Variants in NDST3 observed in about 807,000 individuals in gnomAD.
The protein encoded by NDST3 is N-deacetylase and N-sulfotransferase 3, also known as bifunctional heparan sulfate N-deacetylase/N-sulfotransferase 3.
A neutral mutation model predicts 96.1 loss-of-function variants in NDST3; 58 were observed. The observed-to-expected ratio is 0.60, with a 90% CI of 0.49 to 0.75. The LOEUF is 0.75. Among genes scored for constraint, NDST3 ranks in the 30% least tolerant of loss-of-function variants. The probability of loss-of-function intolerance (pLI) is 0.00; values close to 1 mark genes in which losing one functional copy is unlikely to be tolerated. For missense variants in NDST3, 788 were observed against 1,034.2 expected (o/e 0.76, Z 3.27); for synonymous variants, 333 against 359.7 (o/e 0.93, Z 0.84).
chr4:118,173,134 ATGTGTG>A (rs35139409), intron 6 of NDST3, among the ~76,000 whole-genome samples: 1 of 148,234 alleles, frequency 6.7e-6, no homozygotes, highest in Non-Finnish European at 1.5e-5. Flanking sequence ...AGGCATATAT[ATGTGTG>A]TGTGTGTGTG....
intron 4 of NDST3, among the ~76,000 whole-genome samples, chr4:118,118,645 C>T (rs1360731795): frequency 3.3e-5 from 5 of 152,126 alleles, no homozygotes; most frequent in Admixed American, 1.3e-4. Flanking sequence ...TTGATGATTA[C>T]ACCCATCAGG....
intron 2 of NDST3, among the ~76,000 whole-genome samples, chr4:118,057,008 T>C (rs1201377550): frequency 6.6e-6 from 1 of 151,846 alleles, no homozygotes. Flanking sequence ...TAGATTGATG[T>C]GATGATTTGG....
intron 8 of NDST3, among the ~76,000 whole-genome samples, chr4:118,232,066 T>C (rs931800514): frequency 3.9e-5 from 6 of 152,130 alleles, no homozygotes; most frequent in Non-Finnish European, 8.8e-5. Context: ...AATTTAGCAA[T>C]TTAAACAATT....
chr4:118,079,758 A>T (rs1437750536), intron 2 of NDST3, among the ~76,000 whole-genome samples: 4 of 152,212 alleles, frequency 2.6e-5, no homozygotes, highest in Non-Finnish European at 5.9e-5. Flanking sequence ...TAGAAAAATA[A>T]TGGAAGGTGA....
intron 4 of NDST3, among the ~76,000 whole-genome samples, chr4:118,116,094 A>C (rs1731067801): frequency 6.6e-6 from 1 of 152,252 alleles, no homozygotes; most frequent in Non-Finnish European, 1.5e-5. Context: ...AGCAGCATGT[A>C]AAATTGGTAA....
chr4:118,194,123 T>C (rs2125969480), intron 6 of NDST3: 1 of 1,146,634 alleles, frequency 8.7e-7, no homozygotes, highest in East Asian at 2.4e-5. Flanking sequence ...GGGTTTGAGG[T>C]ACACAATGGA....
chr4:118,150,790 G>C (rs1157810224), intron 6 of NDST3, among the ~76,000 whole-genome samples: 1 of 151,874 alleles, frequency 6.6e-6, no homozygotes, highest in Non-Finnish European at 1.5e-5. Flanking sequence ...CTGTTGGTGG[G>C]ACTGTAAACT....
At chr4:118,181,194 TC>T (rs539617036) in intron 6 of NDST3, among the ~76,000 whole-genome samples, 53 of 152,196 alleles carry the variant, frequency 3.5e-4, no homozygotes, top group Middle Eastern at 3.4e-3. Flanking sequence ...ACCAGAAGTC[TC>T]CTTTAGGTCT....
chr4:118,097,944 C>T (rs184029993), intron 2 of NDST3, among the ~76,000 whole-genome samples: 90 of 151,982 alleles, frequency 5.9e-4, no homozygotes, highest in Non-Finnish European at 1.2e-3. Flanking sequence ...ATAGACATTG[C>T]TCATGGAGTT....
intron 1 of NDST3, among the ~76,000 whole-genome samples, chr4:118,038,382 A>G (rs150506743): frequency 6.0e-4 from 92 of 152,284 alleles, no homozygotes; most frequent in African/African-American, 1.7e-3. Context: ...TTTCTAATAC[A>G]AAGATGGAGG....
chr4:118,152,935 A>C (rs1237680279), intron 6 of NDST3, among the ~76,000 whole-genome samples: 4 of 150,622 alleles, frequency 2.7e-5, no homozygotes, highest in Non-Finnish European at 1.5e-5. Context: ...GAGTCAGCCC[A>C]TATCAGTCCT....
Position 118,054,448 on chromosome 4 carries a change from T to C in NDST3, c.538T>C (p.Phe180Leu). 3.1e-6 allele frequency: 5 copies of C among 1,612,958 alleles called. No individual in the cohort carries two copies. Among genetic ancestry groups the C allele is most frequent in the Non-Finnish European group, 4.2e-6 (5 of 1,179,342 alleles). Residue 180 changes from phenylalanine to leucine, a missense_variant, in exon 2 of 14, where the codon TTC becomes CTC. By Grantham distance (22) the Phe-to-Leu change is conservative (BLOSUM62 0). Around this residue, in one of 3 missense-constraint regions of NDST3, gnomAD observed 234 missense variants for 256.9 expected, o/e 0.91. Coordinates refer to ENST00000296499, the MANE Select transcript of NDST3 (RefSeq NM_004784.3). ...TGTACAGAGCTTTCAGTTAAAAGGT[T>C]TCCCTTTTTCCATATATGGAAATCT... ...KSVQSFQLKG[F>L]PFSIYGNLAV...
intron 2 of NDST3, among the ~76,000 whole-genome samples, chr4:118,077,993 C>A (rs890783007): frequency 1.2e-4 from 19 of 152,116 alleles, no homozygotes; most frequent in African/African-American, 4.6e-4. Flanking sequence ...TCAAGAGTTG[C>A]CCCTGTAAAA....
At chr4:118,121,435 C>T (rs1168239965) in intron 4 of NDST3, among the ~76,000 whole-genome samples, 1 of 152,086 alleles carries the variant, frequency 6.6e-6, no homozygotes, top group African/African-American at 2.4e-5. Flanking sequence ...TCATCTACTC[C>T]TAAGTTCTAG....
chr4:118,191,668 G>A (rs963684732), intron 6 of NDST3, among the ~76,000 whole-genome samples: 18 of 152,106 alleles, frequency 1.2e-4, no homozygotes, highest in Admixed American at 4.6e-4. Flanking sequence ...ATTACATAAT[G>A]GAAAATGGGA....
At chr4:118,068,474 A>G (rs1726779710) in intron 2 of NDST3, among the ~76,000 whole-genome samples, 1 of 152,142 alleles carries the variant, frequency 6.6e-6, no homozygotes, top group Non-Finnish European at 1.5e-5. Context: ...TGTGATGTTC[A>G]GATGCATTTA....
Position 118,114,880 on chromosome 4 carries a change from T to C in NDST3, c.1144T>C (p.Trp382Arg), listed in dbSNP as rs776480623. 1 of 1,614,134 alleles carries C rather than the reference T, an allele frequency of 6.2e-7. No homozygotes were observed. The change falls in exon 4 of 14, where the codon TGG becomes CGG. Residue 382 changes from tryptophan (W) to arginine (R), a missense_variant. Trp to Arg is a moderately radical substitution (Grantham distance 101). Around this residue, in one of 3 missense-constraint regions of NDST3, gnomAD observed 490 missense variants for 708.8 expected, o/e 0.69. Coordinates refer to ENST00000296499, the MANE Select transcript of NDST3 (RefSeq NM_004784.3). ...TGAGTTCTGGTGGTTTCCTCACATG[T>C]GGAGCCATATGCAGCCCCACCTCTT... ...VDEFWWFPHM[W>R]SHMQPHLFHN... is the part of the protein sequence containing the mutation.
intron 2 of NDST3, among the ~76,000 whole-genome samples, chr4:118,078,008 T>A (rs1239863424): frequency 6.6e-6 from 1 of 152,112 alleles, no homozygotes; most frequent in Non-Finnish European, 1.5e-5. Context: ...GTAAAACTTC[T>A]GGGTGGCTCT....
intron 6 of NDST3, among the ~76,000 whole-genome samples, chr4:118,158,187 C>CA: frequency 6.6e-6 from 1 of 152,172 alleles, no homozygotes; most frequent in East Asian, 1.9e-4. Context: ...CACTTAGTAG[C>CA]AAAGAGCTCA....
Sources: gnomAD v4.1 joint callset for allele counts (sites outside exome capture counted in the v4.1 genomes callset) on GRCh38, gnomAD v4.1.1 for gene constraint, gnomAD v4.1.1 regional missense constraint, MANE v1.5 for transcripts, NCBI Gene and HGNC (gene_info 2026-07-23, HGNC 2026-07-21) for gene names.